DAB2IP: variants seen among roughly 807,000 people sequenced by gnomAD.
DAB2IP encodes DAB2 interacting protein.
Under a neutral mutation model 107.2 loss-of-function variants are expected in DAB2IP, and 28 were observed. That is an observed-to-expected ratio of 0.26 (90% CI 0.19 to 0.36). The LOEUF (loss-of-function observed/expected upper bound fraction) is 0.36, where lower values mean the gene tolerates loss of function less well. DAB2IP is among the 10% of genes least tolerant of loss of function. The pLI is 1.00. For missense variants in DAB2IP, 1,400 were observed against 1,644.7 expected, an observed-to-expected ratio of 0.85 and a Z score of 2.57; for synonymous variants, 755 against 706.4, an observed-to-expected ratio of 1.07 and a Z score of -1.09.
At chr9:121,690,498 T>C (rs1829110231) in intron 2 of DAB2IP, among the ~76,000 whole-genome samples, 1 of 152,172 alleles carries the variant, frequency 6.6e-6, no homozygotes, top group Admixed American at 6.5e-5. Context: ...TCCAGACCTC[T>C]GGGACAGGCT....
At chr9:121,769,845 C>T (rs1396220433) in intron 10 of DAB2IP, among the ~76,000 whole-genome samples, 1 of 152,200 alleles carries the variant, frequency 6.6e-6, no homozygotes, top group African/African-American at 2.4e-5. Flanking sequence ...ATTGTCACAT[C>T]GGTGATAGGG....
intron 6 of DAB2IP, among the ~76,000 whole-genome samples, chr9:121,762,722 T>C (rs1232102922): frequency 1.3e-5 from 2 of 152,144 alleles, no homozygotes; most frequent in Non-Finnish European, 2.9e-5. Flanking sequence ...TTTCCTATTT[T>C]CTTCCCCTCC....
At chr9:121,626,850 T>G (rs1308595324) in intron 1 of DAB2IP, among the ~76,000 whole-genome samples, 1 of 151,750 alleles carries the variant, frequency 6.6e-6, no homozygotes, top group Non-Finnish European at 1.5e-5. Flanking sequence ...GGTTCTCTTG[T>G]GTTTTGAATT....
intron 1 of DAB2IP, among the ~76,000 whole-genome samples, chr9:121,607,549 T>C (rs1433837315): frequency 1.3e-5 from 2 of 152,108 alleles, no homozygotes; most frequent in Admixed American, 6.5e-5. Flanking sequence ...ATCCTCCCAC[T>C]TAAGCAATCT....
intron 4 of DAB2IP, among the ~76,000 whole-genome samples, chr9:121,758,386 C>T (rs1833642361): frequency 6.6e-6 from 1 of 152,152 alleles, no homozygotes; most frequent in South Asian, 2.1e-4. Context: ...AAATATCAGG[C>T]TTATATTACC....
chr9:121,611,601 T>C (rs1466123342), intron 1 of DAB2IP, among the ~76,000 whole-genome samples: 2 of 152,178 alleles, frequency 1.3e-5, no homozygotes, highest in African/African-American at 4.8e-5. Flanking sequence ...TTTTAATTTT[T>C]TGAGACAGGG....
chr9:121,582,269 G>C (rs1830213796), intron 1 of DAB2IP, among the ~76,000 whole-genome samples: 1 of 152,178 alleles, frequency 6.6e-6, no homozygotes, highest in Non-Finnish European at 1.5e-5. Context: ...GTGGTCCTGG[G>C]GGTGAAGAGG....
rs762233167 is a variant in DAB2IP, at chr9:121,776,206, G to A, written c.3129G>A (p.Ala1043=). 7.6e-6 allele frequency: 12 copies of A among 1,574,164 alleles called. No homozygotes were observed. The Admixed American group carries it at 9.3e-5, about 12-fold the overall frequency. Residue 1043 remains alanine, a synonymous_variant, in exon 14 of 16, where the codon GCG becomes GCA. Coordinates refer to ENST00000408936, the Ensembl canonical transcript of DAB2IP. This position sits in a 1 kb window ranked among gnomAD's most constrained non-coding sequence, Gnocchi z 5.4. ...CGCTGCCCTCCTGGTAGGACCTGGC[G>A]GTGCTGCAGGACAAGCTGCGAATCT...
chr9:121,728,023 G>C (rs1564183159), intron 3 of DAB2IP, among the ~76,000 whole-genome samples: 1 of 152,168 alleles, frequency 6.6e-6, no homozygotes, highest in Admixed American at 6.5e-5. Context: ...CCTGTTGTCT[G>C]CCTGGGTCTT....
chr9:121,651,510 C>T (rs1393774176), upstream of DAB2IP: 4 of 298,024 alleles, frequency 1.3e-5, no homozygotes, highest in Non-Finnish European at 2.0e-5. The surrounding 1 kb of genome is among the most constrained non-coding windows in gnomAD (Gnocchi z 5.1). Flanking sequence ...GATTCCAGGC[C>T]GGGATTTCTC....
At chr9:121,606,090 C>T (rs1830860960) in intron 1 of DAB2IP, among the ~76,000 whole-genome samples, 1 of 152,148 alleles carries the variant, frequency 6.6e-6, no homozygotes, top group South Asian at 2.1e-4. Context: ...CGCCTGTGAT[C>T]CCAGCAGTTT....
At chr9:121,717,306 C>T (rs546409806) in intron 3 of DAB2IP, among the ~76,000 whole-genome samples, 6 of 152,336 alleles carry the variant, frequency 3.9e-5, no homozygotes, top group African/African-American at 1.4e-4. Flanking sequence ...CAGGTACAGA[C>T]AGGATGGCGG....
chr9:121,782,219 CT>C lies in DAB2IP; in HGVS notation c.3403-111del. The C allele has an allele frequency of 4.7e-6, 7 of 1,501,212 alleles. No individual in the cohort carries two copies. The East Asian group carries it at 1.6e-4, about 35-fold the overall frequency. 93.0% of individuals were successfully genotyped at this position (1,501,212 alleles called of 1,614,324 possible). A position where few individuals can be genotyped will look rare whatever the true frequency, so the allele number is the denominator to read the frequency against. ...TTGCCAGCTGCTCACAGCCCGGAGC[CT>C]GCCTGCCACCCTCATCTCCAGGCCA... On this transcript the variant is annotated intron_variant, in intron 15 of 15. Transcript: ENST00000408936. The surrounding 1 kb of genome is among the most constrained non-coding windows in gnomAD (Gnocchi z 6.1).
chr9:121,592,401 T>A (rs960560671), intron 1 of DAB2IP, among the ~76,000 whole-genome samples: 2 of 152,114 alleles, frequency 1.3e-5, no homozygotes, highest in Non-Finnish European at 2.9e-5. Context: ...TGGCAGATCT[T>A]AAGCTGGGTC....
intron 2 of DAB2IP, among the ~76,000 whole-genome samples, chr9:121,696,158 C>T (rs1291961759): frequency 6.6e-6 from 1 of 152,216 alleles, no homozygotes. Context: ...CGTGAGCCAC[C>T]ATGCCTGGCA....
chr9:121,610,744 G>C (rs1486506618), intron 1 of DAB2IP, among the ~76,000 whole-genome samples: 2 of 152,138 alleles, frequency 1.3e-5, no homozygotes, highest in Admixed American at 6.5e-5. Flanking sequence ...AGTCAGAGGG[G>C]GGCGCAGAGG....
intron 3 of DAB2IP, among the ~76,000 whole-genome samples, chr9:121,739,928 G>A (rs1481759680): frequency 6.6e-6 from 1 of 152,214 alleles, no homozygotes; most frequent in Non-Finnish European, 1.5e-5. Flanking sequence ...CAGCCTGTGA[G>A]AACAGAGGAA....
chr9:121,717,503 C>T (rs7849916), intron 3 of DAB2IP, among the ~76,000 whole-genome samples: 1,529 of 152,332 alleles, frequency 0.01, 36 homozygotes, highest in African/African-American at 0.036. Flanking sequence ...CAGATTCACT[C>T]GGGTCACACA....
Position 121,736,453 on chromosome 9 carries a change from G to A in DAB2IP, c.363-20560G>A, listed in dbSNP as rs938453254. ...GCGTGCCGAAGCGCAGCGGCGGGTC[G>A]CTAGCGGGAAGTGGCTGCAGCTGGA... is the stretch of plus-strand genomic sequence containing the variant. On this transcript the variant is annotated intron_variant, in intron 3 of 15. Coordinates refer to ENST00000408936, the Ensembl canonical transcript of DAB2IP. The surrounding 1 kb of genome is among the most constrained non-coding windows in gnomAD (Gnocchi z 4.6). Among the ~76,000 whole-genome samples, 1 of 152,026 alleles carries A rather than the reference G, an allele frequency of 6.6e-6. No homozygotes were observed. Among genetic ancestry groups the A allele is most frequent in the Non-Finnish European group, 1.5e-5 (1 of 67,990 alleles).
Sources: gnomAD v4.1 joint callset for allele counts (sites outside exome capture counted in the v4.1 genomes callset) on GRCh38, gnomAD v4.1.1 for gene constraint, Gnocchi (gnomAD v3.1) non-coding constraint, MANE v1.5 for transcripts, NCBI Gene and HGNC (gene_info 2026-07-23, HGNC 2026-07-21) for gene names.